CAV3: variants seen among roughly 807,000 people sequenced by gnomAD.
CAV3 encodes caveolin 3, also known as caveolin-3.
In CAV3, 10 loss-of-function variants were observed where a neutral mutation model predicts 13.4. That is an observed-to-expected ratio of 0.75 (90% CI 0.46 to 1.27). CAV3 has a LOEUF of 1.27. Among genes scored for constraint, CAV3 ranks in the 50% most tolerant of loss-of-function variants. CAV3 has a pLI of 0.00. For synonymous variants in CAV3, 90 were observed against 79.0 expected (o/e 1.14, Z -0.74); for missense variants, 162 against 194.0 (o/e 0.83, Z 0.98).
chr3:8,739,062 C>A (rs973200343), intron 1 of CAV3, among the ~76,000 whole-genome samples: 2 of 152,334 alleles, frequency 1.3e-5, no homozygotes. Context: ...CAATTCCTTC[C>A]TTTTGGAAAT....
rs1348984017 is a variant in CAV3, at chr3:8,746,417, CAG to C, written c.*553_*554del. The C allele has an allele frequency of 2.0e-5, 3 of 153,444 alleles. No homozygotes were observed. Among genetic ancestry groups the C allele is most frequent in the Non-Finnish European group, 2.9e-5 (2 of 68,930 alleles). 9.5% of individuals were successfully genotyped at this position (153,444 alleles called of 1,614,324 possible). On this transcript the variant is annotated 3_prime_UTR_variant, in exon 2 of 2. Coordinates refer to ENST00000343849, the MANE Select transcript of CAV3 (RefSeq NM_033337.3). ...CACTTGGCCAAATGTAAGTGAAGAACAGAGTCTTTTTCTTCTTCGGATTCTAT... is the reference window on the plus strand; with the variant it reads ...CACTTGGCCAAATGTAAGTGAAGAACAGTCTTTTTCTTCTTCGGATTCTAT...
intron 1 of CAV3, among the ~76,000 whole-genome samples, chr3:8,737,177 G>C (rs895455102): frequency 6.6e-6 from 1 of 152,160 alleles, no homozygotes; most frequent in Non-Finnish European, 1.5e-5. Context: ...GGAGGCCCTG[G>C]CAGTGCCCCA....
intron 1 of CAV3, among the ~76,000 whole-genome samples, chr3:8,744,692 C>G (rs190379923): frequency 1.3e-5 from 2 of 152,126 alleles, no homozygotes; most frequent in Non-Finnish European, 2.9e-5. Flanking sequence ...ATGTGAGGAA[C>G]CTCTGCCTGT....
At chr3:8,738,331 C>T (rs1024993688) in intron 1 of CAV3, among the ~76,000 whole-genome samples, 4 of 152,218 alleles carry the variant, frequency 2.6e-5, no homozygotes, top group Non-Finnish European at 4.4e-5. Flanking sequence ...ATTTGCCCCC[C>T]GGCTCAGGCT....
intron 1 of CAV3, chr3:8,744,886 C>T (rs6764715): frequency 0.071 from 10,887 of 153,274 alleles, 846 homozygotes; most frequent in African/African-American, 0.19. Context: ...TGTTGGTCAG[C>T]GGTGCCTAGG....
At chr3:8,744,275 A>ATT (rs35889837) in intron 1 of CAV3, among the ~76,000 whole-genome samples, 1,426 of 120,806 alleles carry the variant, frequency 0.012, 76 homozygotes, top group African/African-American at 0.041. Flanking sequence ...GACCAGTGGA[A>ATT]TTTTTTTTTT....
At chr3:8,742,861 A>G (rs1708024266) in intron 1 of CAV3, among the ~76,000 whole-genome samples, 1 of 152,174 alleles carries the variant, frequency 6.6e-6, no homozygotes, top group Admixed American at 6.5e-5. Context: ...TTTCATTGCT[A>G]TAAAGGAATA....
chr3:8,742,704 A>G (rs1423356629), intron 1 of CAV3: 1 of 324,546 alleles, frequency 3.1e-6, no homozygotes, highest in Non-Finnish European at 6.2e-6. Context: ...AAAGTGGGTA[A>G]TCAATCAGTA....
chr3:8,746,066 C>T lies in CAV3; in HGVS notation c.*199C>T, dbSNP rs1439886038. 1.2e-5 allele frequency: 7 copies of T among 570,026 alleles called. No individual in the cohort carries two copies. The highest frequency in any genetic ancestry group is 2.2e-5 in the Non-Finnish European group (7 of 319,126). 35.3% of individuals were successfully genotyped at this position (570,026 alleles called of 1,614,324 possible). A position where few individuals can be genotyped will look rare whatever the true frequency, so the allele number is the denominator to read the frequency against. On this transcript the variant is annotated 3_prime_UTR_variant, in exon 2 of 2. Transcript: ENST00000343849. ...AAGCACAATGGCCCTTCGCTCTCCC[C>T]CAGCCCCACCATGATGCCCCCATGC...
At chr3:8,736,575 TG>T (rs1249022200) in intron 1 of CAV3, among the ~76,000 whole-genome samples, 1 of 152,074 alleles carries the variant, frequency 6.6e-6, no homozygotes, top group Non-Finnish European at 1.5e-5. Context: ...CCACAATGGC[TG>T]GTAAGTACAG....
rs1316475824 is a variant in CAV3, at chr3:8,746,476, G to T, written c.*609G>T. 6.6e-6 allele frequency: 1 copy of T among 152,458 alleles called. No individual in the cohort carries two copies. The highest frequency in any genetic ancestry group is 1.5e-5 in the Non-Finnish European group (1 of 68,248). The allele number at this position is 152,458 out of a possible 1,614,324, so 9.4% of individuals were successfully genotyped here. A position where few individuals can be genotyped will look rare whatever the true frequency, so the allele number is the denominator to read the frequency against. On this transcript the variant is annotated 3_prime_UTR_variant, in exon 2 of 2. Coordinates refer to ENST00000343849, the MANE Select transcript of CAV3 (RefSeq NM_033337.3). ...CTGGAACCGTACACGTTCCTTGGAA[G>T]ATCATGTTTAAGTGACTCCTGTTGC...
Position 8,746,240 on chromosome 3 carries a change from G to A in CAV3, c.*373G>A, listed in dbSNP as rs574924076. On this transcript the variant is annotated 3_prime_UTR_variant, in exon 2 of 2. Transcript: ENST00000343849. The stretch of plus-strand genomic sequence containing the variant: ...AGGAAAGTGACCAGTGACCACTGGC[G>A]TTAGGAAGGTGGCTCCAGTAAAGGG... The A allele has an allele frequency of 5.7e-5, 11 of 194,544 alleles. No homozygotes were observed. Among genetic ancestry groups the A allele is most frequent in the South Asian group, 3.9e-4 (3 of 7,692 alleles). The allele number at this position is 194,544 out of a possible 1,614,324, so 12.1% of individuals were successfully genotyped here.
intron 1 of CAV3, among the ~76,000 whole-genome samples, chr3:8,736,779 C>T (rs1029114635): frequency 3.3e-5 from 5 of 152,182 alleles, no homozygotes; most frequent in African/African-American, 9.7e-5. Flanking sequence ...GAAAGGATGC[C>T]GCAAATAATT....
intron 1 of CAV3, among the ~76,000 whole-genome samples, chr3:8,740,720 A>T (rs237875): frequency 1.3e-5 from 2 of 151,940 alleles, no homozygotes; most frequent in Non-Finnish European, 2.9e-5. Flanking sequence ...GGGGGTAGAT[A>T]TATGGTCCTA....
In CAV3 at chr3:8,733,809, C is replaced by T; in HGVS notation, c.-68C>T. On this transcript the variant is annotated 5_prime_UTR_variant, in exon 1 of 2. Coordinates refer to ENST00000343849, the MANE Select transcript of CAV3 (RefSeq NM_033337.3). ...GGGACACTGAATTGGTCTCTCTGCC[C>T]CAAGTATTTTCAGCCCCAGCCGGCC... 1 of 934,112 alleles carries T rather than the reference C, an allele frequency of 1.1e-6. No individual in the cohort carries two copies. Among genetic ancestry groups the T allele is most frequent in the Middle Eastern group, 2.1e-4 (1 of 4,760 alleles). 57.9% of individuals were successfully genotyped at this position (934,112 alleles called of 1,614,324 possible).
intron 1 of CAV3, chr3:8,744,824 C>T (rs1708096624): frequency 6.6e-6 from 1 of 152,486 alleles, no homozygotes; most frequent in Non-Finnish European, 1.5e-5. Context: ...CACTAAGTCA[C>T]TGTTGGCTTT....
chr3:8,737,136 G>T (rs1318759301), intron 1 of CAV3, among the ~76,000 whole-genome samples: 1 of 152,168 alleles, frequency 6.6e-6, no homozygotes, highest in East Asian at 1.9e-4. Flanking sequence ...GAGAGATGGA[G>T]AAACTGGACA....
At chr3:8,744,195 G>A (rs190988377) in intron 1 of CAV3, among the ~76,000 whole-genome samples, 3 of 152,198 alleles carry the variant, frequency 2.0e-5, no homozygotes, top group Admixed American at 6.5e-5. Context: ...CCCACTTGGC[G>A]GGCTGTACTG....
intron 1 of CAV3, among the ~76,000 whole-genome samples, chr3:8,738,905 CG>C (rs1262337976): frequency 6.6e-6 from 1 of 152,162 alleles, no homozygotes; most frequent in Admixed American, 6.5e-5. Flanking sequence ...GATAACACTT[CG>C]CTGCTCTGTC....
Sources: allele counts gnomAD v4.1 joint callset (sites outside exome capture counted in the v4.1 genomes callset), GRCh38; gene constraint gnomAD v4.1.1; transcripts MANE v1.5; gene names NCBI Gene and HGNC (gene_info 2026-07-23, HGNC 2026-07-21).